The following KLHL2 variants were observed in gnomAD, a reference collection of about 807,000 sequenced individuals.
KLHL2 encodes kelch-like protein 2.
In KLHL2, 15 loss-of-function variants were observed where a neutral mutation model predicts 75.8. The ratio of observed to expected loss-of-function variants is 0.20; its 90% CI spans 0.13 to 0.30. The LOEUF is 0.30. Ranked by LOEUF, KLHL2 falls within the 10% of genes least tolerant of loss-of-function variation. KLHL2 has a pLI of 1.00. For missense variants in KLHL2, 381 were observed against 741.0 expected, an observed-to-expected ratio of 0.51 and a Z score of 5.64; for synonymous variants, 214 against 251.9, an observed-to-expected ratio of 0.85 and a Z score of 1.42.
rs1402215178 is a variant in KLHL2 at position 165,311,378 on chromosome 4, A to G, written c.1238-86A>G. ...TTTCTTCTCTTAATTTTAGCCCAGT[A>G]TAACATACCTGAAGTATTTTTCCAT... On this transcript the variant is annotated intron_variant, in intron 10 of 14. Coordinates refer to ENST00000226725, the MANE Select transcript of KLHL2 (RefSeq NM_007246.4). 6 of 912,044 alleles carry G rather than the reference A, an allele frequency of 6.6e-6. No homozygotes were observed. In the South Asian group the frequency reaches 6.6e-5, roughly 10 times the overall value. 56.5% of individuals were successfully genotyped at this position (912,044 alleles called of 1,614,324 possible).
chr4:165,274,833 T>C (rs1342812710), intron 5 of KLHL2, among the ~76,000 whole-genome samples: 2 of 152,190 alleles, frequency 1.3e-5, no homozygotes, highest in Admixed American at 6.5e-5. Context: ...TCAGTATCTT[T>C]AGGGAAAGTA....
intron 4 of KLHL2, 27 bp from the exon 5 acceptor site, chr4:165,263,170 C>T (rs1741838074): frequency 1.1e-5 from 17 of 1,610,078 alleles, no homozygotes; most frequent in Non-Finnish European, 1.4e-5. Context: ...ACCCAAGTGC[C>T]TAAGAATATT....
At chr4:165,253,985 A>G (rs1740955772) in intron 4 of KLHL2, among the ~76,000 whole-genome samples, 1 of 152,244 alleles carries the variant, frequency 6.6e-6, no homozygotes, top group African/African-American at 2.4e-5. Context: ...TGCAAGCTGT[A>G]GGAGTGAAGG....
At chr4:165,221,656 A>G (rs1738007260) in intron 2 of KLHL2, among the ~76,000 whole-genome samples, 1 of 152,180 alleles carries the variant, frequency 6.6e-6, no homozygotes, top group Non-Finnish European at 1.5e-5. Context: ...TCAGATTTAT[A>G]TTTTGAACAC....
At chr4:165,267,412 A>G (rs1041665294) in intron 5 of KLHL2, among the ~76,000 whole-genome samples, 4 of 152,082 alleles carry the variant, frequency 2.6e-5, no homozygotes, top group African/African-American at 9.7e-5. Flanking sequence ...GAACGCTTCC[A>G]GTTTTTGCCC....
In KLHL2 at chr4:165,319,241, G is replaced by A. The variant is rs752094193; in HGVS notation, c.1753+1272G>A. Among the ~76,000 whole-genome samples, 21 of 152,140 alleles carry A rather than the reference G, an allele frequency of 1.4e-4. No individual in the cohort carries two copies. The highest frequency in any genetic ancestry group is 2.6e-4 in the Non-Finnish European group (18 of 68,028). On this transcript the variant is annotated intron_variant, in intron 14 of 14. Coordinates refer to ENST00000226725, the MANE Select transcript of KLHL2 (RefSeq NM_007246.4). The surrounding 1 kb of genome is among the most constrained non-coding windows in gnomAD (Gnocchi z 4.5). ...GAGCAGTTTGTCTCTTCAGCGATGC[G>A]TATCTCAGTAAAAAGTTCTCTCTCA...
At chr4:165,305,111 A>G (rs1350434594) in intron 8 of KLHL2, among the ~76,000 whole-genome samples, 2 of 152,034 alleles carry the variant, frequency 1.3e-5, no homozygotes, top group African/African-American at 4.8e-5. Flanking sequence ...CTCCAATTCA[A>G]TTACTCCTCC....
chr4:165,288,038 C>T (rs1311585641), intron 5 of KLHL2, among the ~76,000 whole-genome samples: 1 of 152,114 alleles, frequency 6.6e-6, no homozygotes, highest in African/African-American at 2.4e-5. Context: ...GTCTTCGTTG[C>T]CTGAGCTTTT....
chr4:165,294,619 G>C, intron 6 of KLHL2, 151 bp downstream of exon 6: 1 of 499,854 alleles, frequency 2.0e-6, no homozygotes, highest in Non-Finnish European at 3.6e-6. Context: ...AGTTACTTCA[G>C]GAAAGGATTC....
intron 8 of KLHL2, among the ~76,000 whole-genome samples, chr4:165,302,296 T>C (rs186981370): frequency 1.3e-4 from 20 of 152,082 alleles, no homozygotes; most frequent in African/African-American, 4.1e-4. Context: ...AGAGTTGTTA[T>C]GTTCAGATTA....
intron 9 of KLHL2, among the ~76,000 whole-genome samples, chr4:165,308,216 TTTTATC>T (rs1745879081): frequency 6.6e-6 from 1 of 152,224 alleles, no homozygotes; most frequent in Admixed American, 6.5e-5. Flanking sequence ...TTTTTAGGTG[TTTTATC>T]TTTATCGTTA....
chr4:165,274,779 C>T (rs1230259767), intron 5 of KLHL2, among the ~76,000 whole-genome samples: 1 of 152,206 alleles, frequency 6.6e-6, no homozygotes, highest in East Asian at 1.9e-4. Flanking sequence ...TAACAGTGTT[C>T]CATGGAGATC....
chr4:165,264,716 ATATACATATATATATATATATATG>A lies in KLHL2; in HGVS notation c.544+1362_544+1385del, dbSNP rs1224002361. Among the ~76,000 whole-genome samples the A allele has an allele frequency of 6.5e-3, 504 of 77,606 alleles. 3 individuals are homozygous for A. Among genetic ancestry groups the A allele is most frequent in the Non-Finnish European group, 8.6e-3 (359 of 41,544 alleles). 50.9% of individuals were successfully genotyped at this position (77,606 alleles called of 152,430 possible). ...TGTGTGTGTGTGTGTATATATATAT[ATATACATATATATATATATATATG>A]TATATATATATATATATATATATAT... On this transcript the variant is annotated intron_variant, in intron 5 of 14. Coordinates refer to ENST00000226725, the MANE Select transcript of KLHL2 (RefSeq NM_007246.4).
intron 2 of KLHL2, among the ~76,000 whole-genome samples, chr4:165,227,181 C>T (rs948909767): frequency 1.3e-5 from 2 of 152,016 alleles, no homozygotes; most frequent in African/African-American, 4.8e-5. Flanking sequence ...GACTCCAATA[C>T]GGGACCTGCT....
At chr4:165,308,177 A>G (rs922234242) in intron 9 of KLHL2, among the ~76,000 whole-genome samples, 5 of 152,186 alleles carry the variant, frequency 3.3e-5, no homozygotes, top group South Asian at 2.1e-4. Context: ...TTTTCTTCCA[A>G]TGGTCCTCTG....
chr4:165,218,192 C>G (rs1029973297), intron 1 of KLHL2, among the ~76,000 whole-genome samples: 3 of 152,102 alleles, frequency 2.0e-5, no homozygotes, highest in Non-Finnish European at 4.4e-5. Context: ...TCTCAACCAG[C>G]AGCCAAAGTG....
intron 3 of KLHL2, 99 bp from the exon 4 acceptor site, chr4:165,238,679 A>T (rs2111100502): frequency 6.3e-7 from 1 of 1,580,988 alleles, no homozygotes; most frequent in Non-Finnish European, 8.6e-7. Context: ...TGCCTGTTGA[A>T]TACAGTGAGT....
At chr4:165,248,761 T>G (rs1354981588) in intron 4 of KLHL2, among the ~76,000 whole-genome samples, 2 of 152,166 alleles carry the variant, frequency 1.3e-5, no homozygotes, top group Admixed American at 6.5e-5. Flanking sequence ...TTGTGAAACT[T>G]TGAGTTCTAG....
At chr4:165,238,576 G>A (rs1739550533) in intron 3 of KLHL2, among the ~76,000 whole-genome samples, 5 of 152,164 alleles carry the variant, frequency 3.3e-5, no homozygotes, top group Admixed American at 2.0e-4. Context: ...GGTGCAAGTG[G>A]GTAACAAAAG....
Sources: allele counts gnomAD v4.1 joint callset (sites outside exome capture counted in the v4.1 genomes callset), GRCh38; gene constraint gnomAD v4.1.1; non-coding constraint Gnocchi (gnomAD v3.1); transcripts MANE v1.5; gene names NCBI Gene and HGNC (gene_info 2026-07-23, HGNC 2026-07-21).